The following VIT variants were observed in gnomAD, a reference collection of about 807,000 sequenced individuals.
VIT encodes vitrin.
Under a neutral mutation model 78.0 loss-of-function variants are expected in VIT, and 99 were observed. The ratio of observed to expected loss-of-function variants is 1.27; its 90% confidence interval spans 1.08 to 1.50. The LOEUF (loss-of-function observed/expected upper bound fraction) is 1.50, where lower values mean the gene tolerates loss of function less well. Ranked by LOEUF, VIT falls within the 40% of genes most tolerant of loss-of-function variation. The probability of loss-of-function intolerance (pLI) is 0.00; values close to 1 mark genes in which losing one functional copy is unlikely to be tolerated. For synonymous variants in VIT, 374 were observed against 334.3 expected (o/e 1.12, Z -1.29); for missense variants, 1,126 against 875.3 (o/e 1.29, Z -3.61).
intron 2 of VIT, among the ~76,000 whole-genome samples, chr2:36,717,314 C>T (rs1359706281): frequency 6.7e-6 from 1 of 149,532 alleles, no homozygotes; most frequent in Non-Finnish European, 1.5e-5. Context: ...ACTACAGGCT[C>T]CCACCACCAC....
intron 6 of VIT, 159 bp downstream of exon 6, chr2:36,759,205 A>G (rs1668961876): frequency 1.3e-6 from 2 of 1,563,452 alleles, no homozygotes; most frequent in South Asian, 1.2e-5. Context: ...GAAATCAATG[A>G]GATCAGATGG....
intron 1 of VIT, among the ~76,000 whole-genome samples, chr2:36,712,555 T>C (rs111339793): frequency 6.7e-6 from 1 of 148,526 alleles, no homozygotes; most frequent in African/African-American, 2.6e-5. Context: ...AGTGTATAAT[T>C]TGGCCGGGGG....
intron 15 of VIT, among the ~76,000 whole-genome samples, chr2:36,811,104 G>A (rs1667132202): frequency 6.6e-6 from 1 of 152,166 alleles, no homozygotes; most frequent in Non-Finnish European, 1.5e-5. Flanking sequence ...TACCCTTTAT[G>A]GAGCCTGTAG....
chr2:36,795,273 GTGGGGAAAAAGAA>G (rs1485274587), intron 12 of VIT, among the ~76,000 whole-genome samples: 2 of 151,832 alleles, frequency 1.3e-5, no homozygotes, highest in Non-Finnish European at 2.9e-5. Flanking sequence ...ATGTGTAGAG[GTGGGGAAAAAGAA>G]TGGAGTCACC....
chr2:36,812,585 C>G (rs1667251842), intron 15 of VIT, among the ~76,000 whole-genome samples: 1 of 152,114 alleles, frequency 6.6e-6, no homozygotes, highest in Admixed American at 6.6e-5. Context: ...AATCCAACAC[C>G]TGCAGTCTTA....
At chr2:36,813,765 A>G (rs927388401) in intron 15 of VIT, among the ~76,000 whole-genome samples, 2 of 152,170 alleles carry the variant, frequency 1.3e-5, no homozygotes, top group African/African-American at 4.8e-5. Context: ...GGCTCTTCCC[A>G]CTGGTAGAGC....
At chr2:36,762,778 A>C (rs1287503044) in intron 6 of VIT, among the ~76,000 whole-genome samples, 1 of 151,890 alleles carries the variant, frequency 6.6e-6, no homozygotes, top group East Asian at 1.9e-4. Context: ...GATGACCCCC[A>C]AAAGCATGAC....
chr2:36,735,598 G>A, intron 3 of VIT, among the ~76,000 whole-genome samples: 1 of 152,214 alleles, frequency 6.6e-6, no homozygotes, highest in East Asian at 1.9e-4. Context: ...ATGGGATGTT[G>A]GCAGAGGTGG....
Position 36,729,453 on chromosome 2 carries a change from AC to A in VIT, c.81del (p.Asn27LysfsTer34), listed in dbSNP as rs766304735. 1.4e-5 allele frequency: 23 copies of A among 1,609,376 alleles called. No individual in the cohort carries two copies. Among genetic ancestry groups the A allele is most frequent in the Middle Eastern group, 1.7e-4 (1 of 6,056 alleles). ...LVLLVTGVHSNKETAKKIKRP... is the reference protein window; with the variant it reads ...LVLLVTGVHSXKETAKKIKRP... The stretch of plus-strand genomic sequence containing the variant: ...TTGCTGGTGACTGGAGTACATTCAA[AC>A]AAAGAAACGGCAAAGAAGATTAAAA... On this transcript the variant is annotated frameshift_variant, in exon 3 of 16. Transcript: ENST00000379242. LOFTEE classifies it high-confidence loss of function.
At chr2:36,766,274 A>G (rs1002951709) in intron 6 of VIT, among the ~76,000 whole-genome samples, 2 of 152,182 alleles carry the variant, frequency 1.3e-5, no homozygotes, top group Non-Finnish European at 2.9e-5. Context: ...TGCACCTGTC[A>G]TCCCAGAGCT....
chr2:36,800,903 C>G (rs775695759), intron 12 of VIT, among the ~76,000 whole-genome samples: 1 of 152,166 alleles, frequency 6.6e-6, no homozygotes, highest in Admixed American at 6.5e-5. Context: ...CTGAGATTCT[C>G]TTTCTGGAGA....
intron 8 of VIT, 62 bp from the exon 9 acceptor site, chr2:36,774,940 T>G (rs957831923): frequency 1.5e-5 from 24 of 1,593,316 alleles, no homozygotes; most frequent in African/African-American, 4.1e-5. Flanking sequence ...GGGGGCAAAA[T>G]AAGGAAAGAA....
chr2:36,745,663 C>T (rs77022669), intron 4 of VIT, among the ~76,000 whole-genome samples: 2,154 of 152,142 alleles, frequency 0.014, 51 homozygotes, highest in African/African-American at 0.044. Flanking sequence ...GTTTTGTATT[C>T]GGAAAATTTA....
intron 11 of VIT, among the ~76,000 whole-genome samples, chr2:36,783,902 A>G (rs767875167): frequency 2.6e-5 from 4 of 152,238 alleles, no homozygotes; most frequent in East Asian, 1.9e-4. Flanking sequence ...AAGCAGGTTT[A>G]TGTCTATCAT....
chr2:36,782,586 C>G (rs1219236264), intron 10 of VIT, among the ~76,000 whole-genome samples: 2 of 152,242 alleles, frequency 1.3e-5, no homozygotes, highest in East Asian at 3.8e-4. Context: ...CAAGCGTGCT[C>G]TGCCTGGGAA....
chr2:36,716,206 A>G (rs1448161653), intron 1 of VIT, 147 bp from the exon 2 acceptor site: 4 of 566,318 alleles, frequency 7.1e-6, no homozygotes, highest in Non-Finnish European at 1.2e-5. Flanking sequence ...TGACATCTCT[A>G]TGTGCTGCTT....
chr2:36,707,078 C>A (rs1011121559), intron 1 of VIT, among the ~76,000 whole-genome samples: 8 of 152,130 alleles, frequency 5.3e-5, no homozygotes, highest in African/African-American at 1.9e-4. Flanking sequence ...CTGGTATAAA[C>A]CCCTATTATT....
chr2:36,811,114 G>A lies in VIT; in HGVS notation c.1903+2129G>A, dbSNP rs957898012. On this transcript the variant is annotated intron_variant, in intron 15 of 15. Coordinates refer to ENST00000379242, the MANE Select transcript of VIT (RefSeq NM_053276.4). ...TGACTTACCCTTTATGGAGCCTGTA[G>A]GGCACCCTCATAATGGTGGGATGGC... Among the ~76,000 whole-genome samples, 17 of 152,150 alleles carry A rather than the reference G, an allele frequency of 1.1e-4. 1 individual carries two copies. Among genetic ancestry groups the A allele is most frequent in the African/African-American group, 4.8e-5 (2 of 41,426 alleles).
chr2:36,729,550 A>T (rs1365425129), intron 3 of VIT, 59 bp downstream of exon 3: 1 of 1,528,914 alleles, frequency 6.5e-7, no homozygotes, highest in Non-Finnish European at 8.9e-7. Flanking sequence ...ATGGAGGGTT[A>T]TTATACTTGT....
Sources: gnomAD v4.1 joint callset for allele counts (sites outside exome capture counted in the v4.1 genomes callset) on GRCh38, gnomAD v4.1.1 for gene constraint, MANE v1.5 for transcripts, NCBI Gene and HGNC (gene_info 2026-07-23, HGNC 2026-07-21) for gene names.